The following TNRC6B variants were observed in gnomAD, a reference collection of about 807,000 sequenced individuals.
TNRC6B encodes the protein trinucleotide repeat-containing gene 6B protein.
TNRC6B carries 52 observed loss-of-function variants against 203.6 expected under a neutral mutation model. The ratio of observed to expected loss-of-function variants is 0.26; its 90% CI spans 0.20 to 0.32. The LOEUF is 0.32. TNRC6B is among the 10% of genes least tolerant of loss of function. The pLI, the probability that TNRC6B is intolerant of heterozygous loss-of-function variation, is 1.00. For missense variants in TNRC6B, 1,923 were observed against 2,286.2 expected, an observed-to-expected ratio of 0.84 and a Z score of 3.24; for synonymous variants, 838 against 845.7, an observed-to-expected ratio of 0.99 and a Z score of 0.16.
intron 1 of TNRC6B, among the ~76,000 whole-genome samples, chr22:40,076,595 C>G (rs532127888): frequency 6.6e-6 from 1 of 152,186 alleles, no homozygotes; most frequent in East Asian, 1.9e-4. Context: ...GTAGAGACAG[C>G]CTCTCTCCCT....
chr22:40,185,661 G>A (rs955996108), intron 1 of TNRC6B, among the ~76,000 whole-genome samples: 8 of 152,180 alleles, frequency 5.3e-5, no homozygotes, highest in Admixed American at 2.6e-4. Flanking sequence ...TACAGGAGCT[G>A]AGTGCCTGCT....
At chr22:40,251,571 T>G (rs2070194730) in intron 3 of TNRC6B, among the ~76,000 whole-genome samples, 2 of 152,028 alleles carry the variant, frequency 1.3e-5, no homozygotes, top group African/African-American at 4.8e-5. Flanking sequence ...AATAAAAAAT[T>G]AGCCAGACAT....
chr22:40,303,173 G>A (rs2071047931), intron 15 of TNRC6B, among the ~76,000 whole-genome samples: 1 of 151,434 alleles, frequency 6.6e-6, no homozygotes, highest in Non-Finnish European at 1.5e-5. Flanking sequence ...GGGATTACAG[G>A]CACATGCCAC....
intron 6 of TNRC6B, among the ~76,000 whole-genome samples, chr22:40,271,522 T>A (rs1278087763): frequency 6.6e-6 from 1 of 152,230 alleles, no homozygotes; most frequent in African/African-American, 2.4e-5. Flanking sequence ...TTAAAATAGT[T>A]AGCTTTATGA....
At chr22:40,211,192 A>G (rs1269677845) in intron 1 of TNRC6B, among the ~76,000 whole-genome samples, 4 of 151,870 alleles carry the variant, frequency 2.6e-5, no homozygotes, top group Admixed American at 1.3e-4. Flanking sequence ...GGCTCACTGC[A>G]GCCTCAGCCT....
At chr22:40,164,804 A>G (rs2068904593) in intron 4 of TNRC6B, among the ~76,000 whole-genome samples, 1 of 127,470 alleles carries the variant, frequency 7.8e-6, no homozygotes, top group South Asian at 2.2e-4. Context: ...TCCCTGAAAT[A>G]GCGTCTCACT....
intron 3 of TNRC6B, among the ~76,000 whole-genome samples, chr22:40,257,417 TAAAAG>T (rs1046556420): frequency 1.4e-4 from 22 of 152,194 alleles, no homozygotes; most frequent in African/African-American, 5.3e-4. Flanking sequence ...AAATGGTTCT[TAAAAG>T]AAAATGAATG....
At position 40,238,700 on chromosome 22, in the gene TNRC6B, T is replaced by C. The variant is rs942097914; in HGVS notation, c.6-7315T>C. Among the ~76,000 whole-genome samples, 3 of 152,336 alleles carry C rather than the reference T, an allele frequency of 2.0e-5. No homozygotes were observed. In the South Asian group the frequency reaches 6.2e-4, roughly 32 times the overall value. ...TCAGAGGCCTTTTCTAACTATTATA[T>C]GGAAGGTGTTGCCCTCTCCCCACCT... On this transcript the variant is annotated intron_variant, in intron 1 of 22. Transcript: ENST00000454349.
At chr22:40,098,342 G>A (rs1015223901) in intron 1 of TNRC6B, among the ~76,000 whole-genome samples, 2 of 126,754 alleles carry the variant, frequency 1.6e-5, no homozygotes, top group Admixed American at 9.7e-5. Context: ...CCAAAACTGC[G>A]CCATTGCACT....
chr22:40,123,636 A>G (rs1568990146), intron 2 of TNRC6B, among the ~76,000 whole-genome samples: 1 of 152,196 alleles, frequency 6.6e-6, no homozygotes, highest in African/African-American at 2.4e-5. Flanking sequence ...AGCAGACAGT[A>G]CAGCACCAGA....
At chr22:40,119,804 A>G (rs2146319734) in intron 2 of TNRC6B, among the ~76,000 whole-genome samples, 1 of 152,240 alleles carries the variant, frequency 6.6e-6, no homozygotes, top group South Asian at 2.1e-4. Context: ...TTAACCGCAC[A>G]CTTCTGCATT....
chr22:40,206,623 A>G (rs1457684352), intron 1 of TNRC6B, among the ~76,000 whole-genome samples: 4 of 152,096 alleles, frequency 2.6e-5, no homozygotes, highest in African/African-American at 7.2e-5. Context: ...AATGACAGGA[A>G]CAACAAGTGG....
chr22:40,291,349 C>G (rs2070867108), intron 12 of TNRC6B, among the ~76,000 whole-genome samples: 2 of 151,812 alleles, frequency 1.3e-5, no homozygotes, highest in Non-Finnish European at 2.9e-5. Flanking sequence ...GACACCGCTG[C>G]AATCCAGCCT....
At chr22:40,298,413 A>G (rs532274156) in intron 12 of TNRC6B, among the ~76,000 whole-genome samples, 1 of 152,308 alleles carries the variant, frequency 6.6e-6, no homozygotes, top group East Asian at 1.9e-4. Context: ...AAATGGAAGG[A>G]GATACAGGTG....
intron 4 of TNRC6B, among the ~76,000 whole-genome samples, chr22:40,169,098 G>A (rs2068946400): frequency 1.3e-5 from 2 of 149,686 alleles, no homozygotes; most frequent in South Asian, 4.2e-4. Flanking sequence ...TTGACTGCAT[G>A]AATGAATGGT....
chr22:40,268,173 C>T (rs139958386), intron 5 of TNRC6B, among the ~76,000 whole-genome samples: 77 of 152,266 alleles, frequency 5.1e-4, no homozygotes, highest in South Asian at 2.7e-3. Flanking sequence ...CTATAACCTC[C>T]GTGCCAAGTT....
intron 3 of TNRC6B, among the ~76,000 whole-genome samples, chr22:40,133,989 A>C (rs958058215): frequency 1.1e-4 from 17 of 151,082 alleles, no homozygotes; most frequent in African/African-American, 3.9e-4. Flanking sequence ...AAAAAAAAAA[A>C]AAAAAAAACA....
intron 1 of TNRC6B, among the ~76,000 whole-genome samples, chr22:40,186,955 C>G (rs2069212179): frequency 6.6e-6 from 1 of 152,076 alleles, no homozygotes; most frequent in Admixed American, 6.5e-5. Context: ...ATTGGAAATA[C>G]TTGATTTGCT....
chr22:40,198,333 T>C (rs956257635), intron 1 of TNRC6B, among the ~76,000 whole-genome samples: 2 of 152,168 alleles, frequency 1.3e-5, no homozygotes, highest in African/African-American at 4.8e-5. Flanking sequence ...AGATATTCTT[T>C]AAAAAATACA....
Sources: allele counts gnomAD v4.1 joint callset (sites outside exome capture counted in the v4.1 genomes callset), GRCh38; gene constraint gnomAD v4.1.1; transcripts MANE v1.5; gene names NCBI Gene and HGNC (gene_info 2026-07-23, HGNC 2026-07-21).